ATXN1: variants seen among roughly 807,000 people sequenced by gnomAD.
The protein encoded by ATXN1 is ataxin-1.
In ATXN1, 8 loss-of-function variants were observed where a neutral mutation model predicts 56.4. That is an observed-to-expected ratio of 0.14 (90% CI 0.08 to 0.26). ATXN1 has a LOEUF of 0.26. Among genes scored for constraint, ATXN1 ranks in the 10% least tolerant of loss-of-function variants. The probability of loss-of-function intolerance (pLI) is 1.00; values close to 1 mark genes in which losing one functional copy is unlikely to be tolerated. For missense variants in ATXN1, 987 were observed against 1,106.5 expected, an observed-to-expected ratio of 0.89 and a Z score of 1.53; for synonymous variants, 514 against 494.6, an observed-to-expected ratio of 1.04 and a Z score of -0.52.
chr6:16,397,389 G>C (rs529032520), intron 6 of ATXN1, among the ~76,000 whole-genome samples: 3 of 151,958 alleles, frequency 2.0e-5, no homozygotes, highest in Non-Finnish European at 4.4e-5. Flanking sequence ...TCAGCCTCCC[G>C]AGTAGCTGGA....
intron 6 of ATXN1, among the ~76,000 whole-genome samples, chr6:16,468,849 G>A (rs1345547317): frequency 6.6e-6 from 1 of 151,064 alleles, no homozygotes; most frequent in African/African-American, 2.4e-5. Context: ...CCTTACTTTT[G>A]AACAGAACAC....
chr6:16,441,371 C>G (rs1028858371), intron 6 of ATXN1, among the ~76,000 whole-genome samples: 4 of 151,864 alleles, frequency 2.6e-5, no homozygotes, highest in African/African-American at 9.7e-5. Context: ...GTTCTATGGC[C>G]TAGACACTAG....
intron 6 of ATXN1, among the ~76,000 whole-genome samples, chr6:16,335,709 T>C (rs1372735372): frequency 6.6e-6 from 1 of 152,196 alleles, no homozygotes; most frequent in African/African-American, 2.4e-5. Flanking sequence ...AATGAGATCA[T>C]GCTGGATGAT....
intron 3 of ATXN1, among the ~76,000 whole-genome samples, chr6:16,637,238 T>C (rs1763614999): frequency 6.6e-6 from 1 of 150,802 alleles, no homozygotes; most frequent in South Asian, 2.1e-4. Context: ...CAGCAAATTA[T>C]CGCAAGGACA....
intron 3 of ATXN1, among the ~76,000 whole-genome samples, chr6:16,624,945 T>A (rs1763382384): frequency 6.6e-6 from 1 of 152,244 alleles, no homozygotes; most frequent in South Asian, 2.1e-4. Flanking sequence ...GCAGAATGCA[T>A]CGCTTATCAT....
intron 4 of ATXN1, among the ~76,000 whole-genome samples, chr6:16,538,773 C>T (rs925264911): frequency 5.9e-5 from 9 of 152,158 alleles, no homozygotes; most frequent in Non-Finnish European, 1.3e-4. Flanking sequence ...GCAACCTACG[C>T]CTCCCAGGTT....
At chr6:16,405,704 T>C (rs948088038) in intron 6 of ATXN1, among the ~76,000 whole-genome samples, 4 of 152,306 alleles carry the variant, frequency 2.6e-5, no homozygotes, top group African/African-American at 9.6e-5. Flanking sequence ...CAACCCCAAC[T>C]CCTGCCTTTG....
At chr6:16,563,406 C>T (rs1331659641) in intron 4 of ATXN1, among the ~76,000 whole-genome samples, 1 of 152,122 alleles carries the variant, frequency 6.6e-6, no homozygotes, top group African/African-American at 2.4e-5. Flanking sequence ...ATGCATGGCA[C>T]TAAGCTATTG....
intron 7 of ATXN1, among the ~76,000 whole-genome samples, chr6:16,325,170 T>G (rs1475618634): frequency 2.0e-5 from 3 of 150,762 alleles, no homozygotes; most frequent in Non-Finnish European, 4.4e-5. Context: ...AAGGCTGGAG[T>G]GCAGTGGCCT....
At chr6:16,552,032 T>C (rs775954713) in intron 4 of ATXN1, among the ~76,000 whole-genome samples, 3 of 152,220 alleles carry the variant, frequency 2.0e-5, no homozygotes, top group African/African-American at 4.8e-5. Flanking sequence ...ATGGTGGACG[T>C]GTGCATAGGT....
In ATXN1 at chr6:16,617,536, A is replaced by G. The variant is rs560242507; in HGVS notation, c.-488-31629T>C. ...AGATAACAGAATATAAGGCTTAGAA[A>G]TGCGGATCACGAGGTCAGGAGATCG... On this transcript the variant is annotated intron_variant, in intron 3 of 7. Transcript: ENST00000436367. Among the ~76,000 whole-genome samples, 508 of 152,216 alleles carry G rather than the reference A, an allele frequency of 3.3e-3. 5 individuals are homozygous for G. The highest frequency in any genetic ancestry group is 0.012 in the African/African-American group (485 of 41,566).
chr6:16,743,595 C>T (rs1223643494), intron 2 of ATXN1, among the ~76,000 whole-genome samples: 2 of 152,180 alleles, frequency 1.3e-5, no homozygotes, highest in African/African-American at 2.4e-5. Context: ...AGAGGGCAGT[C>T]CCTCCTATCG....
chr6:16,532,326 G>A (rs928272161), intron 4 of ATXN1, among the ~76,000 whole-genome samples: 2 of 152,140 alleles, frequency 1.3e-5, no homozygotes, highest in African/African-American at 4.8e-5. Flanking sequence ...ACTGAACCTC[G>A]TCCATGATAA....
rs140868389 is a variant in ATXN1, at chr6:16,707,295, A to G, written c.-615+45938T>C. On this transcript the variant is annotated intron_variant, in intron 2 of 7. Coordinates refer to ENST00000436367, the MANE Select transcript of ATXN1 (RefSeq NM_001128164.2). ...GCAAATGGAATTTGGGAGGGAAGAG[A>G]ATAGGGTAGGAAAAAATAAAAGAAA... 1.5e-3 allele frequency among the ~76,000 whole-genome samples: 226 copies of G among 152,294 alleles called. 2 individuals carry two copies. Among genetic ancestry groups the G allele is most frequent in the African/African-American group, 5.1e-3 (211 of 41,562 alleles).
At chr6:16,761,191 G>A in intron 1 of ATXN1, 107 bp downstream of exon 1, 1 of 368,554 alleles carries the variant, frequency 2.7e-6, no homozygotes. Flanking sequence ...TGTTGCTTTT[G>A]CCCCTCTCGG....
intron 7 of ATXN1, among the ~76,000 whole-genome samples, chr6:16,316,702 A>G (rs1760516678): frequency 6.6e-6 from 1 of 151,976 alleles, no homozygotes. Flanking sequence ...AGCCAAGATC[A>G]CGCCATTGCA....
At chr6:16,701,349 G>A (rs1187402384) in intron 2 of ATXN1, among the ~76,000 whole-genome samples, 3 of 152,160 alleles carry the variant, frequency 2.0e-5, no homozygotes, top group Non-Finnish European at 2.9e-5. Context: ...AACCCTTTTG[G>A]CCATTCACTT....
At chr6:16,440,649 A>AAAAAAAAAAAAG (rs56105499) in intron 6 of ATXN1, among the ~76,000 whole-genome samples, 8 of 113,652 alleles carry the variant, frequency 7.0e-5, no homozygotes, top group Non-Finnish European at 1.1e-4. Flanking sequence ...TTAAAAAAAA[A>AAAAAAAAAAAAG]AAAGAAAAGA....
At chr6:16,365,665 T>C (rs1285353996) in intron 6 of ATXN1, among the ~76,000 whole-genome samples, 1 of 152,248 alleles carries the variant, frequency 6.6e-6, no homozygotes, top group Admixed American at 6.5e-5. Context: ...TTCTAGTCAA[T>C]GTAAAGCATA....
Sources: allele counts gnomAD v4.1 joint callset (sites outside exome capture counted in the v4.1 genomes callset), GRCh38; gene constraint gnomAD v4.1.1; transcripts MANE v1.5; gene names NCBI Gene and HGNC (gene_info 2026-07-23, HGNC 2026-07-21).